Variants in KIF15 observed in about 807,000 individuals in gnomAD.
KIF15 encodes the protein kinesin-like protein KIF15.
In KIF15, 140 loss-of-function variants were observed where a neutral mutation model predicts 190.6. The observed-to-expected ratio is 0.73, with a 90% CI of 0.64 to 0.84. KIF15 has a LOEUF of 0.84. Ranked by LOEUF, KIF15 falls within the 40% of genes least tolerant of loss-of-function variation. The pLI, the probability that KIF15 is intolerant of heterozygous loss-of-function variation, is 0.00. For synonymous variants in KIF15, 528 were observed against 551.3 expected, an observed-to-expected ratio of 0.96 and a Z score of 0.59; for missense variants, 1,372 against 1,584.4, an observed-to-expected ratio of 0.87 and a Z score of 2.28.
intron 1 of KIF15, among the ~76,000 whole-genome samples, chr3:44,766,461 T>C (rs1473204488): frequency 6.6e-6 from 1 of 152,154 alleles, no homozygotes; most frequent in African/African-American, 2.4e-5. Context: ...GAGGGCTGTG[T>C]GGGAGAAGGG....
chr3:44,862,126 G>A (rs751638315), intron 6 of KIF15: 6 of 1,239,132 alleles, frequency 4.8e-6, no homozygotes, highest in African/African-American at 4.7e-5. Flanking sequence ...GGTCGAGCCC[G>A]GGGCGCTGTT....
In KIF15 at chr3:44,794,446, C is replaced by T. The variant is rs764364765; in HGVS notation, c.849+20C>T. On this transcript the variant is annotated intron_variant, in intron 8 of 34. Coordinates refer to ENST00000326047, the MANE Select transcript of KIF15 (RefSeq NM_020242.3). Reference sequence around the variant, plus strand: ...TTGAAGGTAAGAATGAAATTATGGTCTTCAACTTGTGTGTGAGTTCTTACT... The same window carrying T: ...TTGAAGGTAAGAATGAAATTATGGTTTTCAACTTGTGTGTGAGTTCTTACT... The T allele has an allele frequency of 1.3e-6, 2 of 1,546,384 alleles. No homozygotes were observed. Among genetic ancestry groups the T allele is most frequent in the Non-Finnish European group, 1.8e-6 (2 of 1,139,984 alleles).
Position 44,830,934 on chromosome 3 carries a change from C to G in KIF15, c.3087C>G (p.Ser1029Arg), listed in dbSNP as rs750689601. 1.2e-6 allele frequency: 2 copies of G among 1,613,922 alleles called. No individual in the cohort carries two copies. The highest frequency in any genetic ancestry group is 2.2e-5 in the East Asian group (1 of 44,864). ...CTGCTTTGGTTGACAGAGAAGAGAG[C>G]AGAGTGTTGATCAAGAAGCAGGAAG... ...YNSALVDREESRVLIKKQEVD... is the reference protein window; with the variant it reads ...YNSALVDREERRVLIKKQEVD... The change falls in exon 26 of 35, where the codon AGC becomes AGG. Residue 1029 changes from serine (S) to arginine (R), a missense_variant. Ser to Arg is a moderately radical substitution (Grantham distance 110, BLOSUM62 -1). Coordinates refer to ENST00000326047, the MANE Select transcript of KIF15 (RefSeq NM_020242.3).
At chr3:44,836,388 GAGA>G (rs1223354099) in intron 26 of KIF15, among the ~76,000 whole-genome samples, 3 of 151,578 alleles carry the variant, frequency 2.0e-5, no homozygotes, top group Non-Finnish European at 4.4e-5. Flanking sequence ...TTTTTTTAAG[GAGA>G]AGAAAAAATA....
Position 44,864,994 on chromosome 3 carries a change from C to T in KIF15, c.*60-8335C>T, listed in dbSNP as rs372007880. On this transcript the variant is annotated intron_variant and NMD_transcript_variant, in intron 6 of 6. Transcript: ENST00000422209. ...TCAGTCCCAGGAGAGTGAGGTTGTGCCCACCTGCTGAAGTTGAGTCCCTCA... is the reference window on the plus strand; with the variant it reads ...TCAGTCCCAGGAGAGTGAGGTTGTGTCCACCTGCTGAAGTTGAGTCCCTCA... The T allele has an allele frequency of 1.1e-5, 18 of 1,608,140 alleles. No individual in the cohort carries two copies. The South Asian group carries it at 1.9e-4, about 17-fold the overall frequency.
chr3:44,810,068 A>G (rs1418894996), intron 16 of KIF15, among the ~76,000 whole-genome samples: 2 of 152,172 alleles, frequency 1.3e-5, no homozygotes, highest in African/African-American at 4.8e-5. Context: ...CTGTGTCTCA[A>G]AAAATAATAA....
intron 22 of KIF15, 63 bp downstream of exon 22, chr3:44,826,523 C>T: frequency 8.6e-7 from 1 of 1,159,666 alleles, no homozygotes; most frequent in East Asian, 2.5e-5. Flanking sequence ...CATTCTTAAT[C>T]TTGTTTTTTT....
intron 6 of KIF15, 48 bp from the exon 7 acceptor site, chr3:44,786,347 T>C: frequency 6.7e-7 from 1 of 1,486,882 alleles, no homozygotes; most frequent in East Asian, 2.3e-5. Context: ...GAAAACTAGG[T>C]ATGAACACAT....
intron 32 of KIF15, 43 bp downstream of exon 32, chr3:44,848,601 C>T: frequency 2.1e-6 from 2 of 948,286 alleles, no homozygotes; most frequent in Non-Finnish European, 3.2e-6. Flanking sequence ...ATCATCTTTT[C>T]CTTATTCTCC....
At chr3:44,865,793 C>T (rs1699315298) in intron 6 of KIF15, 1 of 155,220 alleles carries the variant, frequency 6.4e-6, no homozygotes, top group Admixed American at 6.3e-5. Context: ...TTCGGTTGCT[C>T]TGACACCTGC....
At chr3:44,790,517 A>C (rs1706634806) in intron 7 of KIF15, among the ~76,000 whole-genome samples, 1 of 152,146 alleles carries the variant, frequency 6.6e-6, no homozygotes, top group African/African-American at 2.4e-5. Context: ...TATATATACA[A>C]GTGTAGAATT....
chr3:44,827,808 G>A (rs558150302), intron 23 of KIF15, among the ~76,000 whole-genome samples: 1 of 152,110 alleles, frequency 6.6e-6, no homozygotes, highest in Non-Finnish European at 1.5e-5. Flanking sequence ...TCAGCCTCTC[G>A]AGTAGCTGGG....
chr3:44,811,119 A>G (rs1338936282), intron 17 of KIF15, 76 bp downstream of exon 17: 7 of 1,154,966 alleles, frequency 6.1e-6, no homozygotes, highest in South Asian at 1.5e-5. Flanking sequence ...TTAATTCCCT[A>G]TAAGTTACAG....
chr3:44,821,239 G>A (rs1358750081), intron 20 of KIF15, among the ~76,000 whole-genome samples: 4 of 149,890 alleles, frequency 2.7e-5, no homozygotes, highest in South Asian at 2.1e-4. Flanking sequence ...GGACGGGGCG[G>A]CTGGCCGGGC....
Position 44,852,704 on chromosome 3 carries a change from T to C in KIF15, c.4136T>C (p.Phe1379Ser), listed in dbSNP as rs1187645802. The C allele has an allele frequency of 6.2e-7, 1 of 1,600,472 alleles. No homozygotes were observed. The highest frequency in any genetic ancestry group is 2.3e-5 in the East Asian group (1 of 44,410). Residue 1379 changes from phenylalanine to serine, a missense_variant, in exon 35 of 35, where the codon TTT becomes TCT. Phe to Ser is a radical substitution (Grantham distance 155, BLOSUM62 -2). Coordinates refer to ENST00000326047, the MANE Select transcript of KIF15 (RefSeq NM_020242.3). ...ETEKLRAENV[F>S]LKEKKRSES ...GAAAAGTTGCGTGCCGAAAATGTAT[T>C]TTTAAAAGAAAAGAAAAGAAGTGAA...
intron 6 of KIF15, among the ~76,000 whole-genome samples, chr3:44,860,052 CAG>C (rs1170660886): frequency 1.3e-5 from 2 of 152,150 alleles, no homozygotes; most frequent in Non-Finnish European, 2.9e-5. Context: ...AGCAGAGAAA[CAG>C]ACAACCAGAG....
intron 34 of KIF15, 151 bp downstream of exon 34, chr3:44,852,490 A>G: frequency 2.2e-6 from 2 of 903,084 alleles, no homozygotes; most frequent in South Asian, 3.8e-5. Flanking sequence ...GGTCGTTGCT[A>G]TTCTGAGCCT....
At chr3:44,765,407 C>T (rs1705334215) in intron 1 of KIF15, among the ~76,000 whole-genome samples, 1 of 152,190 alleles carries the variant, frequency 6.6e-6, no homozygotes, top group African/African-American at 2.4e-5. Flanking sequence ...TTAGTGAAGT[C>T]TATTTCCCTC....
intron 32 of KIF15, among the ~76,000 whole-genome samples, chr3:44,849,759 A>C (rs1698996976): frequency 6.6e-6 from 1 of 152,160 alleles, no homozygotes; most frequent in South Asian, 2.1e-4. Context: ...CACAAATTGA[A>C]AGTAATTTGT....
Sources: allele counts gnomAD v4.1 joint callset (sites outside exome capture counted in the v4.1 genomes callset), GRCh38; gene constraint gnomAD v4.1.1; transcripts MANE v1.5; gene names NCBI Gene and HGNC (gene_info 2026-07-23, HGNC 2026-07-21).